The following EIF2AK3 variants were observed in gnomAD, a reference collection of about 807,000 sequenced individuals.
EIF2AK3 encodes eukaryotic translation initiation factor 2 alpha kinase 3, also known as eukaryotic translation initiation factor 2-alpha kinase 3.
In EIF2AK3, 50 loss-of-function variants were observed where a neutral mutation model predicts 113.5. That is an observed-to-expected ratio of 0.44 (90% confidence interval 0.35 to 0.56). The LOEUF is 0.56. Ranked by LOEUF, EIF2AK3 falls within the 20% of genes least tolerant of loss-of-function variation. The pLI is 0.00. For missense variants in EIF2AK3, 1,185 were observed against 1,378.0 expected, an observed-to-expected ratio of 0.86 and a Z score of 2.22; for synonymous variants, 448 against 495.4, an observed-to-expected ratio of 0.90 and a Z score of 1.27.
chr2:88,569,386 C>G (rs1387777186), intron 14 of EIF2AK3, among the ~76,000 whole-genome samples: 4 of 149,196 alleles, frequency 2.7e-5, no homozygotes, highest in Non-Finnish European at 5.9e-5. Context: ...AAAAGATGAA[C>G]AATGTGAGAA....
intron 15 of EIF2AK3, among the ~76,000 whole-genome samples, chr2:88,559,616 G>C (rs1473715960): frequency 2.0e-5 from 3 of 151,664 alleles, no homozygotes; most frequent in Admixed American, 6.6e-5. Flanking sequence ...GAGAGAGAGA[G>C]AGAAAGGGCC....
At chr2:88,600,210 C>G (rs1367195146) in intron 2 of EIF2AK3, among the ~76,000 whole-genome samples, 1 of 152,174 alleles carries the variant, frequency 6.6e-6, no homozygotes, top group Non-Finnish European at 1.5e-5. Context: ...GTCTTTCAGG[C>G]TGCATATGTG....
At chr2:88,584,616 A>C (rs979740595) in intron 9 of EIF2AK3, among the ~76,000 whole-genome samples, 3 of 151,972 alleles carry the variant, frequency 2.0e-5, no homozygotes, top group African/African-American at 7.3e-5. Context: ...TAAATACTCT[A>C]GTAAGAGGAG....
chr2:88,627,026 T>C lies in EIF2AK3; in HGVS notation c.249A>G (p.Gly83=). 1 of 1,604,374 alleles carries C rather than the reference T, an allele frequency of 6.2e-7. No homozygotes were observed. Among genetic ancestry groups the C allele is most frequent in the Non-Finnish European group, 8.5e-7 (1 of 1,178,428 alleles). ...GTTCCGGACCCCGAGGCTCCTGCTC[T>C]CCCGCGGCTGCCGGCAGCGCCTCAG... ...EDAEALPAAA[G]EQEPRGPEPD... The change falls in exon 1 of 17, where the codon GGA becomes GGG. Residue 83 remains glycine, a synonymous_variant. Transcript: ENST00000303236.
chr2:88,585,073 G>A (rs1674686104), intron 9 of EIF2AK3, among the ~76,000 whole-genome samples: 1 of 152,144 alleles, frequency 6.6e-6, no homozygotes, highest in South Asian at 2.1e-4. Context: ...GATAGCCTGA[G>A]GACTAGGGGC....
In EIF2AK3 at chr2:88,611,153, G is replaced by A. The variant is rs551686965; in HGVS notation, c.438+2571C>T. On this transcript the variant is annotated intron_variant, in intron 2 of 16. Coordinates refer to ENST00000303236, the MANE Select transcript of EIF2AK3 (RefSeq NM_004836.7). Reference sequence around the variant, plus strand: ...GTAAAGAAAGGGAGGTATATACAAGGTGGCAAAAGGGCTTCAGAGCAGGCA... The same window carrying A: ...GTAAAGAAAGGGAGGTATATACAAGATGGCAAAAGGGCTTCAGAGCAGGCA... Among the ~76,000 whole-genome samples the A allele has an allele frequency of 4.4e-4, 67 of 152,300 alleles. 1 individual carries two copies. Among genetic ancestry groups the A allele is most frequent in the Non-Finnish European group, 3.4e-4 (23 of 68,020 alleles).
chr2:88,569,672 G>A (rs1253231935), intron 14 of EIF2AK3, among the ~76,000 whole-genome samples: 3 of 152,100 alleles, frequency 2.0e-5, no homozygotes, highest in Admixed American at 6.6e-5. Flanking sequence ...TCAAGCATGG[G>A]TAAAAAGATC....
At chr2:88,627,518 C>G, upstream of EIF2AK3, 1 of 412,216 alleles carries the variant, frequency 2.4e-6, no homozygotes, top group Non-Finnish European at 4.2e-6. Context: ...CTCTCATTGG[C>G]TGCGGCCGCT....
intron 2 of EIF2AK3, among the ~76,000 whole-genome samples, chr2:88,612,193 C>T (rs1297922259): frequency 6.6e-6 from 1 of 152,162 alleles, no homozygotes; most frequent in Non-Finnish European, 1.5e-5. Flanking sequence ...TCTACTTTGC[C>T]ATACCATGCA....
At chr2:88,590,147 A>T (rs1674845994) in intron 6 of EIF2AK3, among the ~76,000 whole-genome samples, 1 of 152,150 alleles carries the variant, frequency 6.6e-6, no homozygotes, top group Non-Finnish European at 1.5e-5. Context: ...AGGCAGGAGA[A>T]TCGCTTGAAC....
chr2:88,619,401 G>T (rs1675664177), intron 1 of EIF2AK3, among the ~76,000 whole-genome samples: 1 of 152,122 alleles, frequency 6.6e-6, no homozygotes, highest in African/African-American at 2.4e-5. Context: ...TCTATAGTAT[G>T]ACAGCCCCCA....
At chr2:88,558,412 T>C (rs567797164) in intron 16 of EIF2AK3, among the ~76,000 whole-genome samples, 2 of 152,348 alleles carry the variant, frequency 1.3e-5, no homozygotes, top group South Asian at 4.1e-4. Context: ...ACACCTTTTC[T>C]TGGTTTTTAA....
chr2:88,565,120 T>G (rs1573385074), intron 14 of EIF2AK3, among the ~76,000 whole-genome samples: 1 of 148,472 alleles, frequency 6.7e-6, no homozygotes. Context: ...CACTGCAACC[T>G]CCCCCTCCTG....
At position 88,627,249 on chromosome 2, in the gene EIF2AK3, A is replaced by T; in HGVS notation, c.26T>A (p.Leu9Gln). 6.7e-7 allele frequency: 1 copy of T among 1,482,216 alleles called. No homozygotes were observed. The allele number at this position is 1,482,216 out of a possible 1,614,324, so 91.8% of individuals were successfully genotyped here. A position where few individuals can be genotyped will look rare whatever the true frequency, so the allele number is the denominator to read the frequency against. Residue 9 changes from leucine (L) to glutamine (Q), a missense_variant, in exon 1 of 17, where the codon CTG (leucine) becomes CAG (glutamine). Leu to Gln is a moderately radical substitution (Grantham distance 113). This residue lies in a region of EIF2AK3 where 189 missense variants were observed against 175.2 expected (regional missense o/e 1.08). Coordinates refer to ENST00000303236, the MANE Select transcript of EIF2AK3 (RefSeq NM_004836.7). MERAISPG[L>Q]LVRALLLLLL... ...CAGCAGCAGCAGCGCCCGTACCAGC[A>T]GCCCCGGGCTGATGGCGCGCTCCAT...
In EIF2AK3 at chr2:88,593,846, A is replaced by C. The variant is rs1325383216; in HGVS notation, c.634-441T>G. 4.4e-5 allele frequency: 43 copies of C among 985,026 alleles called. No individual in the cohort carries two copies. In the South Asian group the frequency reaches 9.0e-4, roughly 21 times the overall value. The allele number at this position is 985,026 out of a possible 1,614,324, so 61.0% of individuals were successfully genotyped here. A position where few individuals can be genotyped will look rare whatever the true frequency, so the allele number is the denominator to read the frequency against. On this transcript the variant is annotated intron_variant, in intron 3 of 16. Coordinates refer to ENST00000303236, the MANE Select transcript of EIF2AK3 (RefSeq NM_004836.7). ...TTTTGTATTCAAAAGTAACTGCCTC[A>C]AATTTTCACTAAAGAAAAAAGGAAG...
intron 2 of EIF2AK3, among the ~76,000 whole-genome samples, chr2:88,608,411 C>T (rs1196009243): frequency 6.6e-6 from 1 of 152,088 alleles, no homozygotes; most frequent in Non-Finnish European, 1.5e-5. Context: ...GACATTCTAA[C>T]ACAGGAGTCC....
Position 88,609,110 on chromosome 2 carries a change from A to G in EIF2AK3, c.438+4614T>C, listed in dbSNP as rs115983519. Among the ~76,000 whole-genome samples, 964 of 152,036 alleles carry G rather than the reference A, an allele frequency of 6.3e-3. 7 individuals carry two copies. Among genetic ancestry groups the G allele is most frequent in the Non-Finnish European group, 0.01 (682 of 67,974 alleles). On this transcript the variant is annotated intron_variant, in intron 2 of 16. Coordinates refer to ENST00000303236, the MANE Select transcript of EIF2AK3 (RefSeq NM_004836.7). ...AACTGGACAAATGTTCAACTTTTGAACATAACTTCTAGATGCTGAGCAGCA... is the reference window on the plus strand; with the variant it reads ...AACTGGACAAATGTTCAACTTTTGAGCATAACTTCTAGATGCTGAGCAGCA...
intron 11 of EIF2AK3, 109 bp from the exon 12 acceptor site, chr2:88,576,812 A>G: frequency 8.4e-7 from 1 of 1,194,672 alleles, no homozygotes; most frequent in South Asian, 1.5e-5. Context: ...TTATATACCA[A>G]TAAAAAAGGA....
chr2:88,585,061 G>C (rs1032320367), intron 9 of EIF2AK3, among the ~76,000 whole-genome samples: 5 of 152,146 alleles, frequency 3.3e-5, no homozygotes, highest in African/African-American at 4.8e-5. Context: ...GAATGGACTG[G>C]AGATAGCCTG....
Sources: allele counts gnomAD v4.1 joint callset (sites outside exome capture counted in the v4.1 genomes callset), GRCh38; gene constraint gnomAD v4.1.1; regional missense constraint gnomAD v4.1.1; transcripts MANE v1.5; gene names NCBI Gene and HGNC (gene_info 2026-07-23, HGNC 2026-07-21).